YME1L1: variants seen among roughly 807,000 people sequenced by gnomAD.
YME1L1 encodes the protein ATP-dependent zinc metalloprotease YME1L1.
In YME1L1, 39 loss-of-function variants were observed where a neutral mutation model predicts 90.4. The observed-to-expected ratio is 0.43, with a 90% CI of 0.33 to 0.56. The LOEUF is 0.56. Among genes scored for constraint, YME1L1 ranks in the 20% least tolerant of loss-of-function variants. The probability of loss-of-function intolerance (pLI) is 0.03; values close to 1 mark genes in which losing one functional copy is unlikely to be tolerated. For synonymous variants in YME1L1, 284 were observed against 287.3 expected (o/e 0.99, Z 0.12); for missense variants, 617 against 868.4 (o/e 0.71, Z 3.64).
At chr10:27,151,570 A>G (rs2135910809) in intron 1 of YME1L1, among the ~76,000 whole-genome samples, 1 of 152,352 alleles carries the variant, frequency 6.6e-6, no homozygotes, top group Admixed American at 6.5e-5. Flanking sequence ...AATAAAGCTG[A>G]CCGTAAAACT....
chr10:27,131,905 A>C lies in YME1L1; in HGVS notation c.812T>G (p.Val271Gly), dbSNP rs2056980945. Residue 271 changes from valine (V) to glycine (G), a missense_variant, in exon 8 of 19, where the codon GTA becomes GGA. Transcript: ENST00000376016. ...FRTTTGLDSA[V>G]DPVQMKNVTF... ...GACATTTTTCATCTGGACAGGATCTACTGCAGAATCAAGCCCTGTTGTTGT... is the reference window on the plus strand; with the variant it reads ...GACATTTTTCATCTGGACAGGATCTCCTGCAGAATCAAGCCCTGTTGTTGT... 6.2e-7 allele frequency: 1 copy of C among 1,613,314 alleles called. No homozygotes were observed. The highest frequency in any genetic ancestry group is 1.3e-5 in the African/African-American group (1 of 74,866).
intron 18 of YME1L1, among the ~76,000 whole-genome samples, chr10:27,113,950 T>C (rs1009528319): frequency 8.5e-6 from 1 of 117,584 alleles, no homozygotes; most frequent in Non-Finnish European, 1.9e-5. Flanking sequence ...TGAGACTCCA[T>C]AAAAAAAAAA....
intron 4 of YME1L1, among the ~76,000 whole-genome samples, chr10:27,139,954 A>T (rs1311696358): frequency 6.6e-6 from 1 of 152,068 alleles, no homozygotes; most frequent in African/African-American, 2.4e-5. Flanking sequence ...TGTGTGTATT[A>T]ATTTCTTCTA....
chr10:27,145,725 T>A, intron 2 of YME1L1, 135 bp from the exon 3 acceptor site: 1 of 758,036 alleles, frequency 1.3e-6, no homozygotes, highest in Non-Finnish European at 1.9e-6. Context: ...TATTTAAAAA[T>A]AAATTGATGC....
At chr10:27,141,299 G>A (rs1015861261) in intron 4 of YME1L1, among the ~76,000 whole-genome samples, 1 of 152,092 alleles carries the variant, frequency 6.6e-6, no homozygotes, top group African/African-American at 2.4e-5. Context: ...AGGAGGCTGA[G>A]GCAGGAGAAT....
chr10:27,139,562 G>C (rs1457131899), intron 4 of YME1L1, among the ~76,000 whole-genome samples: 1 of 152,124 alleles, frequency 6.6e-6, no homozygotes, highest in African/African-American at 2.4e-5. Flanking sequence ...AAATTAAAAA[G>C]AAACTCAAGA....
intron 8 of YME1L1, 37 bp from the exon 9 acceptor site, chr10:27,126,823 T>C: frequency 1.6e-6 from 2 of 1,221,216 alleles, no homozygotes; most frequent in South Asian, 1.4e-5. Context: ...CTTTAGATAA[T>C]GGACACGTTT....
chr10:27,144,934 G>A (rs1165498104), intron 3 of YME1L1, among the ~76,000 whole-genome samples: 1 of 152,114 alleles, frequency 6.6e-6, no homozygotes, highest in East Asian at 1.9e-4. Context: ...GAGGTCAGGA[G>A]ATCAAGATCA....
Position 27,149,711 on chromosome 10 carries a change from CAAAAAAAAAAAAA to C in YME1L1, c.34-684_34-672del, listed in dbSNP as rs58900380. On this transcript the variant is annotated intron_variant, in intron 1 of 18. Coordinates refer to ENST00000376016, the MANE Select transcript of YME1L1 (RefSeq NM_014263.4). ...GGGCAACAGGGTGAGACCTGTCTCTCAAAAAAAAAAAAAAAAAAAAAAAAAGAAACTACCACAG... is the reference window on the plus strand; with the variant it reads ...GGGCAACAGGGTGAGACCTGTCTCTCAAAAAAAAAAAAGAAACTACCACAG... Among the ~76,000 whole-genome samples the C allele has an allele frequency of 9.3e-5, 3 of 32,374 alleles. No homozygotes were observed. The East Asian group carries it at 3.3e-3, about 36-fold the overall frequency. 21.2% of individuals were successfully genotyped at this position (32,374 alleles called of 152,430 possible).
intron 1 of YME1L1, among the ~76,000 whole-genome samples, chr10:27,149,770 TA>T (rs573322820): frequency 2.4e-5 from 3 of 124,782 alleles, no homozygotes; most frequent in East Asian, 2.3e-4. Context: ...ATCCAACATT[TA>T]AAAAAAAAAA....
intron 3 of YME1L1, 28 bp downstream of exon 3, chr10:27,145,400 A>C: frequency 6.5e-7 from 1 of 1,547,850 alleles, no homozygotes; most frequent in Non-Finnish European, 8.8e-7. Flanking sequence ...TAAAATATTT[A>C]ATTGGAACAA....
rs1275351487 is a variant in YME1L1 at position 27,120,551 on chromosome 10, C to A, written c.1299-4G>T. The A allele has an allele frequency of 6.2e-7, 1 of 1,605,110 alleles. No homozygotes were observed. The highest frequency in any genetic ancestry group is 1.1e-5 in the South Asian group (1 of 89,594). ...ACGACCAGGACGTATTAAGGCACTA[C>A]AGGAAGAATGCAAAAGGAAAATATA... On this transcript the variant is annotated splice_region_variant and splice_polypyrimidine_tract_variant and intron_variant, in intron 12 of 18. Transcript: ENST00000376016.
At chr10:27,119,030 G>C (rs2056840514) in intron 14 of YME1L1, among the ~76,000 whole-genome samples, 1 of 152,080 alleles carries the variant, frequency 6.6e-6, no homozygotes, top group African/African-American at 2.4e-5. Flanking sequence ...TAATAAATGT[G>C]GTACACTATA....
At chr10:27,134,443 C>T (rs893582298) in intron 6 of YME1L1, among the ~76,000 whole-genome samples, 6 of 152,152 alleles carry the variant, frequency 3.9e-5, no homozygotes, top group East Asian at 1.9e-4. Context: ...GGCGTGGTGG[C>T]ACATGCCTGT....
At chr10:27,134,679 G>A in intron 6 of YME1L1, 152 bp downstream of exon 6, 1 of 730,586 alleles carries the variant, frequency 1.4e-6, no homozygotes, top group Non-Finnish European at 2.2e-6. Flanking sequence ...GAAACCATCA[G>A]CAGTATCGCC....
Position 27,111,476 on chromosome 10 carries a change from G to C in YME1L1, c.*501C>G, listed in dbSNP as rs966292779. On this transcript the variant is annotated 3_prime_UTR_variant, in exon 19 of 19. Coordinates refer to ENST00000376016, the MANE Select transcript of YME1L1 (RefSeq NM_014263.4). ...CCAAAAGTGCTGGGATTACAGATGT[G>C]AGCCATGGCACCATGCCAAAAGGCT... The C allele has an allele frequency of 2.2e-5, 4 of 185,514 alleles. No individual in the cohort carries two copies. The East Asian group carries it at 6.2e-4, about 29-fold the overall frequency. 11.5% of individuals were successfully genotyped at this position (185,514 alleles called of 1,614,324 possible).
At chr10:27,129,343 T>G (rs1280763765) in intron 8 of YME1L1, 1 of 152,180 alleles carries the variant, frequency 6.6e-6, no homozygotes, top group Non-Finnish European at 1.5e-5. Flanking sequence ...CCAACAGGGT[T>G]CATAGCCATT....
intron 16 of YME1L1, 37 bp downstream of exon 16, chr10:27,116,182 C>T (rs750714156): frequency 1.2e-6 from 2 of 1,613,738 alleles, no homozygotes; most frequent in Non-Finnish European, 1.7e-6. Context: ...TTTAAGACCA[C>T]ATATAATTTG....
chr10:27,132,443 C>T (rs1489169042), intron 7 of YME1L1, among the ~76,000 whole-genome samples: 3 of 152,010 alleles, frequency 2.0e-5, no homozygotes, highest in South Asian at 2.1e-4. Flanking sequence ...AAGTGATTCA[C>T]GTTAAAAAGA....
Sources: allele counts gnomAD v4.1 joint callset (sites outside exome capture counted in the v4.1 genomes callset), GRCh38; gene constraint gnomAD v4.1.1; transcripts MANE v1.5; gene names NCBI Gene and HGNC (gene_info 2026-07-23, HGNC 2026-07-21).